INPP4B: variants seen among roughly 807,000 people sequenced by gnomAD.
The protein encoded by INPP4B is inositol polyphosphate-4-phosphatase type II B, also known as inositol polyphosphate 4-phosphatase type II.
In INPP4B, 55 loss-of-function variants were observed where a neutral mutation model predicts 122.5. The ratio of observed to expected loss-of-function variants is 0.45; its 90% CI spans 0.36 to 0.56. INPP4B has a LOEUF of 0.56. Among genes scored for constraint, INPP4B ranks in the 20% least tolerant of loss-of-function variants. INPP4B has a pLI of 0.00. For synonymous variants in INPP4B, 403 were observed against 388.7 expected (o/e 1.04, Z -0.43); for missense variants, 1,000 against 1,097.7 (o/e 0.91, Z 1.26).
intron 1 of INPP4B, among the ~76,000 whole-genome samples, chr4:142,799,736 A>G (rs910057446): frequency 1.3e-5 from 2 of 151,880 alleles, no homozygotes; most frequent in African/African-American, 4.8e-5. Flanking sequence ...TAGTGCATCT[A>G]GTGTATCTGC....
chr4:142,247,424 G>A (rs1292476839), intron 11 of INPP4B, among the ~76,000 whole-genome samples: 1 of 152,004 alleles, frequency 6.6e-6, no homozygotes, highest in Non-Finnish European at 1.5e-5. Context: ...GACTGATCCT[G>A]GTCTTTTTTT....
At chr4:142,513,018 G>T (rs886671476) in intron 2 of INPP4B, among the ~76,000 whole-genome samples, 2 of 151,960 alleles carry the variant, frequency 1.3e-5, no homozygotes, top group Non-Finnish European at 2.9e-5. Context: ...CATATATTAA[G>T]AATCTTAAAA....
At chr4:142,537,429 T>TATATATATATATATATAGAGAGAG (rs1200701380) in intron 2 of INPP4B, among the ~76,000 whole-genome samples, 3 of 25,482 alleles carry the variant, frequency 1.2e-4, no homozygotes, top group South Asian at 2.0e-3. Context: ...TATATATATA[T>TATATATATATATATATAGAGAGAG]AGAGAGAGAG....
intron 14 of INPP4B, among the ~76,000 whole-genome samples, chr4:142,194,276 G>T (rs1837255696): frequency 6.6e-6 from 1 of 152,066 alleles, no homozygotes; most frequent in Admixed American, 6.6e-5. Context: ...TCACTTAATA[G>T]TTCACTGTGT....
At chr4:142,675,891 T>C (rs1271680420) in intron 2 of INPP4B, among the ~76,000 whole-genome samples, 2 of 152,150 alleles carry the variant, frequency 1.3e-5, no homozygotes, top group African/African-American at 4.8e-5. Flanking sequence ...GCCAATATCA[T>C]ATTGAATGGG....
chr4:142,401,935 A>G (rs1349659815), intron 7 of INPP4B, among the ~76,000 whole-genome samples: 1 of 152,222 alleles, frequency 6.6e-6, no homozygotes, highest in Non-Finnish European at 1.5e-5. Flanking sequence ...TCAATATAGA[A>G]TATTTTTTTC....
intron 18 of INPP4B, among the ~76,000 whole-genome samples, chr4:142,126,802 T>C (rs1165693980): frequency 6.6e-6 from 1 of 152,116 alleles, no homozygotes; most frequent in African/African-American, 2.4e-5. Context: ...TAATAAGAGA[T>C]ACATCAATAG....
At chr4:142,282,045 A>G (rs1295808510) in intron 9 of INPP4B, among the ~76,000 whole-genome samples, 2 of 152,148 alleles carry the variant, frequency 1.3e-5, no homozygotes, top group Non-Finnish European at 2.9e-5. Flanking sequence ...CTTATATTCT[A>G]GTGATAAACA....
At chr4:142,738,050 G>A (rs1767252407) in intron 1 of INPP4B, among the ~76,000 whole-genome samples, 1 of 152,186 alleles carries the variant, frequency 6.6e-6, no homozygotes, top group Non-Finnish European at 1.5e-5. Flanking sequence ...AGTCAGTGTG[G>A]CAATTCCTCA....
intron 2 of INPP4B, among the ~76,000 whole-genome samples, chr4:142,649,946 A>T (rs1752590138): frequency 6.6e-6 from 1 of 152,236 alleles, no homozygotes; most frequent in Admixed American, 6.5e-5. Context: ...GAAGGAAAAA[A>T]TGTTAAGGGC....
intron 1 of INPP4B, among the ~76,000 whole-genome samples, chr4:142,821,997 T>C (rs919646683): frequency 3.9e-5 from 6 of 152,156 alleles, no homozygotes; most frequent in Non-Finnish European, 5.9e-5. Context: ...GTGGAAGCCA[T>C]GGGAAGATGG....
At chr4:142,189,648 G>A (rs1173941405) in intron 15 of INPP4B, among the ~76,000 whole-genome samples, 2 of 151,996 alleles carry the variant, frequency 1.3e-5, no homozygotes, top group Non-Finnish European at 2.9e-5. Flanking sequence ...AGAAAGAAAT[G>A]AAAAATAGTA....
chr4:142,801,039 A>G (rs1176224523), intron 1 of INPP4B, among the ~76,000 whole-genome samples: 1 of 152,142 alleles, frequency 6.6e-6, no homozygotes, highest in Non-Finnish European at 1.5e-5. Context: ...ATAAAGATGG[A>G]AAGGCTGACC....
intron 18 of INPP4B, among the ~76,000 whole-genome samples, chr4:142,136,258 G>A (rs1804179119): frequency 6.6e-6 from 1 of 152,226 alleles, no homozygotes; most frequent in Admixed American, 6.5e-5. Flanking sequence ...GCGTGAAGAT[G>A]GAAGGTCGGG....
intron 25 of INPP4B, among the ~76,000 whole-genome samples, chr4:142,063,871 T>C (rs1762235158): frequency 6.6e-6 from 1 of 152,166 alleles, no homozygotes; most frequent in East Asian, 1.9e-4. Context: ...GACTTTCTTT[T>C]ACCTTGCCAT....
chr4:142,489,749 G>T (rs751684248), intron 2 of INPP4B, among the ~76,000 whole-genome samples: 63 of 152,084 alleles, frequency 4.1e-4, no homozygotes, highest in Non-Finnish European at 4.9e-4. Flanking sequence ...GAGAGTCAAT[G>T]TTAAAAATAC....
intron 2 of INPP4B, among the ~76,000 whole-genome samples, chr4:142,568,876 A>G (rs1424373011): frequency 1.3e-5 from 2 of 152,136 alleles, no homozygotes; most frequent in Non-Finnish European, 2.9e-5. Flanking sequence ...AATATTTTAT[A>G]GGCATATGGA....
At chr4:142,422,687 C>T (rs1411503722) in intron 5 of INPP4B, among the ~76,000 whole-genome samples, 1 of 151,956 alleles carries the variant, frequency 6.6e-6, no homozygotes, top group African/African-American at 2.4e-5. Context: ...GTCATGTGCA[C>T]CTGTGGTCCT....
chr4:142,138,922 C>A (rs897222657), intron 18 of INPP4B, among the ~76,000 whole-genome samples: 1 of 152,154 alleles, frequency 6.6e-6, no homozygotes, highest in Non-Finnish European at 1.5e-5. Context: ...GCCTCAAGGC[C>A]AATAAAGATT....
Sources: allele counts gnomAD v4.1 joint callset (sites outside exome capture counted in the v4.1 genomes callset), GRCh38; gene constraint gnomAD v4.1.1; transcripts MANE v1.5; gene names NCBI Gene and HGNC (gene_info 2026-07-23, HGNC 2026-07-21).